The following SLCO2B1 variants were observed in gnomAD, a reference collection of about 807,000 sequenced individuals.
SLCO2B1 encodes the protein OATP-RP2.
Under a neutral mutation model 67.3 loss-of-function variants are expected in SLCO2B1, and 41 were observed. The ratio of observed to expected loss-of-function variants is 0.61; its 90% CI spans 0.47 to 0.79. The LOEUF (loss-of-function observed/expected upper bound fraction) is 0.79. Among genes scored for constraint, SLCO2B1 ranks in the 30% least tolerant of loss-of-function variants. SLCO2B1 has a pLI of 0.00. For synonymous variants in SLCO2B1, 379 were observed against 381.4 expected, an observed-to-expected ratio of 0.99 and a Z score of 0.07; for missense variants, 837 against 920.1, an observed-to-expected ratio of 0.91 and a Z score of 1.17.
intron 8 of SLCO2B1, among the ~76,000 whole-genome samples, chr11:75,190,426 G>T (rs1283070152): frequency 6.6e-6 from 1 of 152,228 alleles, no homozygotes; most frequent in Non-Finnish European, 1.5e-5. Flanking sequence ...TCAGCTGGAG[G>T]TGCCCTATAC....
rs555822525 is a variant in SLCO2B1 at position 75,197,313 on chromosome 11, G to A, written c.1599+634G>A. 1.7e-4 allele frequency among the ~76,000 whole-genome samples: 26 copies of A among 152,366 alleles called. No homozygotes were observed. The South Asian group carries it at 3.3e-3, about 19-fold the overall frequency. Reference sequence around the variant, plus strand: ...AAGAGACACATCCCACCTGGGTGGGGTTGGGTCCCAGAAGCCTTCATGGGA... The same window carrying A: ...AAGAGACACATCCCACCTGGGTGGGATTGGGTCCCAGAAGCCTTCATGGGA... On this transcript the variant is annotated intron_variant, in intron 10 of 13. Coordinates refer to ENST00000289575, the MANE Select transcript of SLCO2B1 (RefSeq NM_007256.5).
At chr11:75,203,632 C>T in intron 13 of SLCO2B1, 1 of 604,076 alleles carries the variant, frequency 1.7e-6, no homozygotes. Flanking sequence ...ACAGTTAAAG[C>T]AAGTAGCCCA....
At chr11:75,192,881 C>T (rs946589899) in intron 8 of SLCO2B1, among the ~76,000 whole-genome samples, 3 of 152,076 alleles carry the variant, frequency 2.0e-5, no homozygotes, top group Admixed American at 6.6e-5. Context: ...CCCATCTCTA[C>T]TAAAAACACA....
At chr11:75,177,195 C>T (rs1313255260) in intron 7 of SLCO2B1, among the ~76,000 whole-genome samples, 1 of 152,104 alleles carries the variant, frequency 6.6e-6, no homozygotes. Flanking sequence ...CACACACACA[C>T]ACACTTCAGT....
At chr11:75,173,063 T>C (rs1209585729) in intron 7 of SLCO2B1, among the ~76,000 whole-genome samples, 2 of 152,128 alleles carry the variant, frequency 1.3e-5, no homozygotes, top group Non-Finnish European at 2.9e-5. Context: ...AGAGCCAGTG[T>C]TGGAAAGTGA....
chr11:75,153,838 T>C (rs1228733555), intron 1 of SLCO2B1, among the ~76,000 whole-genome samples: 1 of 151,966 alleles, frequency 6.6e-6, no homozygotes, highest in Non-Finnish European at 1.5e-5. Flanking sequence ...ATAGAAAGTA[T>C]CTGAGGAGGA....
At position 75,203,342 on chromosome 11, in the gene SLCO2B1, A is replaced by G; in HGVS notation, c.1864A>G (p.Ile622Val). ...MPSPVIHGSAIDTTCVHWALS... is the reference protein window; with the variant it reads ...MPSPVIHGSAVDTTCVHWALS... The stretch of plus-strand genomic sequence containing the variant: ...CAGCCCCGTGATCCACGGCAGCGCC[A>G]TCGACACCACCTGTGTGCACTGGGC... The change falls in exon 13 of 14, where the codon ATC becomes GTC. Residue 622 changes from isoleucine to valine, a missense_variant. Ile to Val is a conservative substitution (Grantham distance 29). Coordinates refer to ENST00000289575, the MANE Select transcript of SLCO2B1 (RefSeq NM_007256.5). The G allele has an allele frequency of 6.2e-7, 1 of 1,614,100 alleles. No individual in the cohort carries two copies. Among genetic ancestry groups the G allele is most frequent in the African/African-American group, 1.3e-5 (1 of 75,046 alleles).
At chr11:75,160,820 C>T (rs572354404) in intron 1 of SLCO2B1, among the ~76,000 whole-genome samples, 24 of 152,324 alleles carry the variant, frequency 1.6e-4, no homozygotes, top group Admixed American at 1.6e-3. Context: ...GCAGTAGGCA[C>T]ATGAAAAGAT....
In SLCO2B1 at chr11:75,193,522, CTTCT is replaced by C. The variant is rs1298715503; in HGVS notation, c.1383_1386del (p.Phe461LeufsTer126). On this transcript the variant is annotated frameshift_variant, in exon 9 of 14. Transcript: ENST00000289575. LOFTEE classifies it high-confidence loss of function. The surrounding 1 kb of genome is among the most constrained non-coding windows in gnomAD (Gnocchi z 4.2). ...TGTGCCTCTTCTTCAGCCTGCCGCT[CTTCT>C]TTATCGGCTGCTCCAGCCACCAGAT... 6.3e-7 allele frequency: 1 copy of C among 1,590,504 alleles called. No homozygotes were observed. Among genetic ancestry groups the C allele is most frequent in the African/African-American group, 1.3e-5 (1 of 74,420 alleles).
intron 7 of SLCO2B1, among the ~76,000 whole-genome samples, chr11:75,186,763 G>C (rs1476075546): frequency 6.6e-6 from 1 of 152,140 alleles, no homozygotes; most frequent in Non-Finnish European, 1.5e-5. Flanking sequence ...AGATGACCCT[G>C]TGCCCATAGC....
intron 10 of SLCO2B1, among the ~76,000 whole-genome samples, chr11:75,198,820 G>A (rs562168329): frequency 6.6e-6 from 1 of 152,234 alleles, no homozygotes; most frequent in Non-Finnish European, 1.5e-5. Flanking sequence ...GAGTGAATGA[G>A]GTAAGGTGGG....
At chr11:75,169,819 A>C in intron 6 of SLCO2B1, 55 bp downstream of exon 6, 44 of 1,443,082 alleles carry the variant, frequency 3.0e-5, no homozygotes, top group Non-Finnish European at 4.1e-5. Context: ...TGCCACTCTC[A>C]TAGGAGACAT....
chr11:75,193,534 C>A lies in SLCO2B1; in HGVS notation c.1392C>A (p.Gly464=). Residue 464 remains glycine, a synonymous_variant, in exon 9 of 14, where the codon GGC becomes GGA. Transcript: ENST00000289575. This position sits in a 1 kb window ranked among gnomAD's most constrained non-coding sequence, Gnocchi z 4.2. ...TCAGCCTGCCGCTCTTCTTTATCGG[C>A]TGCTCCAGCCACCAGATTGCGGGCA... ...LFFSLPLFFI[G]CSSHQIAGIT... is the part of the protein sequence containing the mutation. 6.3e-7 allele frequency: 1 copy of A among 1,576,760 alleles called. No homozygotes were observed. The highest frequency in any genetic ancestry group is 8.6e-7 in the Non-Finnish European group (1 of 1,160,178).
At chr11:75,169,794 C>T in intron 6 of SLCO2B1, 30 bp downstream of exon 6, 1 of 1,551,956 alleles carries the variant, frequency 6.4e-7, no homozygotes, top group Non-Finnish European at 8.9e-7. Context: ...GTTTGCTAGA[C>T]CCTAGCTAAC....
chr11:75,163,903 T>C (rs2140307650), intron 2 of SLCO2B1, 60 bp from the exon 3 acceptor site: 1 of 1,541,582 alleles, frequency 6.5e-7, no homozygotes, highest in Non-Finnish European at 8.7e-7. Context: ...TCTGCCTCCT[T>C]CTGCCTCTTT....
chr11:75,162,411 G>A (rs954519179), intron 1 of SLCO2B1, among the ~76,000 whole-genome samples: 1 of 152,148 alleles, frequency 6.6e-6, no homozygotes, highest in African/African-American at 2.4e-5. Flanking sequence ...GTGTGAAATA[G>A]GTACCCAGTA....
chr11:75,200,313 C>T lies in SLCO2B1; in HGVS notation c.1689C>T (p.Pro563=), dbSNP rs766815449. The T allele has an allele frequency of 1.2e-6, 2 of 1,613,810 alleles. No individual in the cohort carries two copies. The highest frequency in any genetic ancestry group is 1.6e-4 in the Middle Eastern group (1 of 6,062). Residue 563 remains proline (P), a synonymous_variant, in exon 11 of 14, where the codon CCC becomes CCT. Coordinates refer to ENST00000289575, the MANE Select transcript of SLCO2B1 (RefSeq NM_007256.5). The part of the protein sequence containing the change: ...CDSTCSHLVV[P]FLLLVSLGSA... ...CAACGTGCAGCCATCTGGTGGTGCC[C>T]TTCCTGCTCCTGGTCAGCCTGGGCT...
At chr11:75,200,713 T>C in intron 11 of SLCO2B1, 1 of 235,748 alleles carries the variant, frequency 4.2e-6, no homozygotes, top group Non-Finnish European at 8.1e-6. Flanking sequence ...CCTAGGGCCC[T>C]GTCCTGGCCT....
intron 7 of SLCO2B1, among the ~76,000 whole-genome samples, chr11:75,182,083 T>C (rs1357543997): frequency 6.6e-6 from 1 of 152,198 alleles, no homozygotes; most frequent in African/African-American, 2.4e-5. Context: ...TGTAATCAAG[T>C]TGGTGTCCCC....
Sources: gnomAD v4.1 joint callset for allele counts (sites outside exome capture counted in the v4.1 genomes callset) on GRCh38, gnomAD v4.1.1 for gene constraint, Gnocchi (gnomAD v3.1) non-coding constraint, MANE v1.5 for transcripts, NCBI Gene and HGNC (gene_info 2026-07-23, HGNC 2026-07-21) for gene names.